The following CZIB variants were observed in gnomAD, a reference collection of about 807,000 sequenced individuals.
CZIB encodes the protein CXXC motif containing zinc binding protein.
A neutral mutation model predicts 28.3 loss-of-function variants in CZIB; 26 were observed. That is an observed-to-expected ratio of 0.92 (90% CI 0.67 to 1.27). The LOEUF (loss-of-function observed/expected upper bound fraction) is 1.27. CZIB is among the 50% of genes most tolerant of loss of function. The pLI is 0.00. For missense variants in CZIB, 179 were observed against 197.3 expected (o/e 0.91, Z 0.56); for synonymous variants, 78 against 71.1 (o/e 1.10, Z -0.49).
At position 53,219,031 on chromosome 1, in the gene CZIB, G is replaced by A. The variant is rs1645493416; in HGVS notation, c.91-108C>T. ...CAGGCTCATGATCTACCTTCTTGAT[G>A]GCAATCTCACTTCATCCCTAACACC... On this transcript the variant is annotated intron_variant, in intron 2 of 7. Transcript: ENST00000294360. The A allele has an allele frequency of 1.4e-5, 13 of 917,396 alleles. No individual in the cohort carries two copies. In the Admixed American group the frequency reaches 2.4e-4, roughly 17 times the overall value. The allele number at this position is 917,396 out of a possible 1,614,324, so 56.8% of individuals were successfully genotyped here.
intron 7 of CZIB, among the ~76,000 whole-genome samples, chr1:53,215,435 C>G (rs1557721157): frequency 1.3e-5 from 2 of 152,218 alleles, no homozygotes; most frequent in African/African-American, 4.8e-5. Context: ...AGGTGCTGAG[C>G]AAATGAAATG....
rs771421466 is a variant in CZIB at position 53,216,810 on chromosome 1, C to A, written c.311G>T (p.Gly104Val). The stretch of plus-strand genomic sequence containing the variant: ...CGGCTGGAAATCAACTGGTTCAAGG[C>A]CCCGGCACTCAAACTCCACTATTGT... The part of the protein sequence containing the change: ...FKTIVEFECR[G>V]LEPVDFQPQA... Residue 104 changes from glycine to valine, a missense_variant, in exon 6 of 8, where the codon GGC becomes GTC. Gly to Val is a moderately radical substitution (Grantham distance 109). Coordinates refer to ENST00000294360, the MANE Select transcript of CZIB (RefSeq NM_017887.3). 8 of 1,613,970 alleles carry A rather than the reference C, an allele frequency of 5.0e-6. No homozygotes were observed. In the East Asian group the frequency reaches 1.8e-4, roughly 36 times the overall value.
intron 5 of CZIB, chr1:53,217,460 T>A (rs186819067): frequency 6.5e-6 from 1 of 153,930 alleles, no homozygotes; most frequent in East Asian, 1.9e-4. Context: ...ACCTGACCTA[T>A]GGGCTTAGGG....
intron 6 of CZIB, 76 bp from the exon 7 acceptor site, chr1:53,216,132 G>A: frequency 7.1e-7 from 1 of 1,399,976 alleles, no homozygotes; most frequent in South Asian, 1.2e-5. Flanking sequence ...CGGCCAGGCT[G>A]CTGGCTCTTC....
In CZIB at chr1:53,218,916, C is replaced by A. The variant is rs752769385; in HGVS notation, c.98G>T (p.Cys33Phe). ...EDFRWYLKMKCGNCGEISDKW... is the reference protein window; with the variant it reads ...EDFRWYLKMKFGNCGEISDKW... Reference sequence around the variant, plus strand: ...GTCCGAAATCTCACCACAGTTGCCACATTTCATCTTTGGGGAAAAAGAATG... The same window carrying A: ...GTCCGAAATCTCACCACAGTTGCCAAATTTCATCTTTGGGGAAAAAGAATG... The change falls in exon 3 of 8, where the codon TGT (cysteine) becomes TTT (phenylalanine). Residue 33 changes from cysteine to phenylalanine, a missense_variant. By Grantham distance (205) the Cys-to-Phe change is radical (BLOSUM62 -2). Transcript: ENST00000294360. 3 of 1,613,714 alleles carry A rather than the reference C, an allele frequency of 1.9e-6. No homozygotes were observed. The Admixed American group carries it at 5.0e-5, about 27-fold the overall frequency.
At chr1:53,220,412 C>G (rs936774872) in intron 1 of CZIB, 68 bp from the exon 2 acceptor site, 11 of 1,585,818 alleles carry the variant, frequency 6.9e-6, no homozygotes, top group African/African-American at 1.3e-5. Context: ...CCGACCCTCC[C>G]GCATTCCCAG....
rs763150428 is a variant in CZIB at position 53,220,240 on chromosome 1, C to G, written c.90+21G>C. ...GAGATCAGGACGGGCCTCCTCTCCC[C>G]GGGCCCCGCCCCGGCCGCACCTTCA... is the stretch of plus-strand genomic sequence containing the variant. On this transcript the variant is annotated intron_variant, in intron 2 of 7. Coordinates refer to ENST00000294360, the MANE Select transcript of CZIB (RefSeq NM_017887.3). The G allele has an allele frequency of 1.3e-5, 21 of 1,608,714 alleles. No individual in the cohort carries two copies. In the South Asian group the frequency reaches 1.8e-4, roughly 13 times the overall value.
chr1:53,218,764 G>A, intron 3 of CZIB, 103 bp downstream of exon 3: 4 of 1,208,714 alleles, frequency 3.3e-6, no homozygotes, highest in African/African-American at 1.5e-5. Context: ...AAAGCAGGGA[G>A]CAAAGAACTG....
At position 53,220,586 on chromosome 1, in the gene CZIB, T is replaced by A. The variant is rs1309009129; in HGVS notation, c.-11A>T. 1.3e-6 allele frequency: 2 copies of A among 1,597,454 alleles called. No individual in the cohort carries two copies. Among genetic ancestry groups the A allele is most frequent in the African/African-American group, 1.3e-5 (1 of 74,832 alleles). Reference sequence around the variant, plus strand: ...TCCCCTCACCCCCATGGTAGCCCTCTCCGCCCGGTGCTGGCTGCGGCCCTT... The same window carrying A: ...TCCCCTCACCCCCATGGTAGCCCTCACCGCCCGGTGCTGGCTGCGGCCCTT... On this transcript the variant is annotated 5_prime_UTR_variant, in exon 1 of 8. Transcript: ENST00000294360.
rs543259286 is a variant in CZIB, at chr1:53,214,149, C to G, written c.*510G>C. 2.3e-4 allele frequency: 38 copies of G among 164,454 alleles called. No individual in the cohort carries two copies. The highest frequency in any genetic ancestry group is 8.6e-4 in the African/African-American group (36 of 41,680). The allele number at this position is 164,454 out of a possible 1,614,324, so 10.2% of individuals were successfully genotyped here. Reference sequence around the variant, plus strand: ...GGAGGAAAGGTTTGGAAAACTAACTCAGGTGTATTTATTGTTTAAGCAGAA... The same window carrying G: ...GGAGGAAAGGTTTGGAAAACTAACTGAGGTGTATTTATTGTTTAAGCAGAA... On this transcript the variant is annotated 3_prime_UTR_variant, in exon 8 of 8. Coordinates refer to ENST00000294360, the MANE Select transcript of CZIB (RefSeq NM_017887.3).
intron 2 of CZIB, chr1:53,219,632 G>A (rs1645505192): frequency 6.6e-6 from 1 of 152,458 alleles, no homozygotes; most frequent in South Asian, 2.1e-4. Context: ...GCTTCTTCAA[G>A]CCAAAGAACA....
At chr1:53,217,130 C>G in intron 5 of CZIB, 1 of 392,208 alleles carries the variant, frequency 2.5e-6, no homozygotes, top group Non-Finnish European at 4.7e-6. Flanking sequence ...ATCTTCCCCT[C>G]TGGGCCCAAG....
chr1:53,216,949 C>G, intron 5 of CZIB, 90 bp from the exon 6 acceptor site: 15 of 1,146,162 alleles, frequency 1.3e-5, no homozygotes, highest in Non-Finnish European at 1.6e-5. Context: ...TGGGCACTTA[C>G]TGCCCCTGGA....
intron 2 of CZIB, 175 bp from the exon 3 acceptor site, chr1:53,219,098 G>C (rs1557722997): frequency 1.6e-6 from 1 of 641,294 alleles, no homozygotes; most frequent in Non-Finnish European, 2.8e-6. Context: ...CTGGGCAAAG[G>C]ATAGGTAAGG....
intron 2 of CZIB, 166 bp from the exon 3 acceptor site, chr1:53,219,089 T>C (rs1645494980): frequency 4.6e-6 from 3 of 655,800 alleles, no homozygotes; most frequent in South Asian, 3.5e-5. Flanking sequence ...GAACTATCTC[T>C]GGGCAAAGGA....
chr1:53,220,408 C>A (rs1645515298), intron 1 of CZIB, 64 bp from the exon 2 acceptor site: 1 of 1,588,290 alleles, frequency 6.3e-7, no homozygotes, highest in African/African-American at 1.3e-5. Context: ...CTGCCCGACC[C>A]TCCCGCATTC....
chr1:53,214,416 A>T lies in CZIB; in HGVS notation c.*243T>A. ...TTCCTAAGGAGTGAACTGCTGCTGC[A>T]CGAATTCTTATTTGTGGAGGGAGTA... On this transcript the variant is annotated 3_prime_UTR_variant, in exon 8 of 8. Transcript: ENST00000294360. 2.0e-6 allele frequency: 1 copy of T among 492,762 alleles called. No homozygotes were observed. Among genetic ancestry groups the T allele is most frequent in the Non-Finnish European group, 3.6e-6 (1 of 274,582 alleles). 30.5% of individuals were successfully genotyped at this position (492,762 alleles called of 1,614,324 possible).
intron 3 of CZIB, 23 bp downstream of exon 3, chr1:53,218,844 G>C: frequency 6.2e-7 from 1 of 1,602,476 alleles, no homozygotes; most frequent in Non-Finnish European, 8.5e-7. Context: ...GTTTATGTTG[G>C]GGGTTGGGCG....
In CZIB at chr1:53,220,473, G is replaced by C. The variant is rs372263227; in HGVS notation, c.6+97C>G. ...CTTCTGCCTCCTGCTCCTTCAGCGC[G>C]CACCCACTCGCTTCATCTCCTCCTG... On this transcript the variant is annotated intron_variant, in intron 1 of 7. Transcript: ENST00000294360. 54 of 1,580,094 alleles carry C rather than the reference G, an allele frequency of 3.4e-5. No individual in the cohort carries two copies. In the African/African-American group the frequency reaches 6.7e-4, roughly 20 times the overall value.
Sources: gnomAD v4.1 joint callset for allele counts (sites outside exome capture counted in the v4.1 genomes callset) on GRCh38, gnomAD v4.1.1 for gene constraint, MANE v1.5 for transcripts, NCBI Gene and HGNC (gene_info 2026-07-23, HGNC 2026-07-21) for gene names.